Variants in CDH15 observed in about 807,000 individuals in gnomAD.
The protein encoded by CDH15 is cadherin 15.
CDH15 carries 73 observed loss-of-function variants against 69.4 expected under a neutral mutation model. The observed-to-expected ratio is 1.05, with a 90% CI of 0.87 to 1.28. The LOEUF (loss-of-function observed/expected upper bound fraction) is 1.28. CDH15 is among the 50% of genes most tolerant of loss of function. CDH15 has a pLI of 0.00. For synonymous variants in CDH15, 624 were observed against 507.7 expected, an observed-to-expected ratio of 1.23 and a Z score of -3.08; for missense variants, 1,343 against 1,133.6, an observed-to-expected ratio of 1.18 and a Z score of -2.65.
chr16:89,177,390 A>G (rs1300606342), intron 1 of CDH15, among the ~76,000 whole-genome samples: 1 of 152,202 alleles, frequency 6.6e-6, no homozygotes, highest in Non-Finnish European at 1.5e-5. Context: ...AGGGCTCAGC[A>G]GCCCCATGTG....
At chr16:89,174,282 G>A (rs1010681025) in intron 1 of CDH15, among the ~76,000 whole-genome samples, 2 of 152,202 alleles carry the variant, frequency 1.3e-5, no homozygotes, top group Non-Finnish European at 2.9e-5. Flanking sequence ...GAACGGGGTG[G>A]CCCCAGATTC....
At position 89,179,525 on chromosome 16, in the gene CDH15, C is replaced by G. The variant is rs373204916; in HGVS notation, c.152C>G (p.Pro51Arg). 2 of 1,612,222 alleles carry G rather than the reference C, an allele frequency of 1.2e-6. No homozygotes were observed. The highest frequency in any genetic ancestry group is 2.2e-5 in the East Asian group (1 of 44,862). The change falls in exon 2 of 14, where the codon CCG becomes CGG. Residue 51 changes from proline to arginine, a missense_variant. Coordinates refer to ENST00000289746, the MANE Select transcript of CDH15 (RefSeq NM_004933.3). Reference sequence around the variant, plus strand: ...GTGCGGAGGGCCTGGGTCATCCCCCCGATCAGCGTATCCGAGAACCACAAG... The same window carrying G: ...GTGCGGAGGGCCTGGGTCATCCCCCGGATCAGCGTATCCGAGAACCACAAG... ...SRVRRAWVIP[P>R]ISVSENHKRL...
chr16:89,190,777 T>C (rs1453240715), intron 8 of CDH15, among the ~76,000 whole-genome samples: 1 of 152,082 alleles, frequency 6.6e-6, no homozygotes, highest in Non-Finnish European at 1.5e-5. Context: ...GGACTGGCCG[T>C]TCGCATCTCA....
chr16:89,189,463 C>G (rs2151603195), intron 7 of CDH15, among the ~76,000 whole-genome samples: 1 of 152,380 alleles, frequency 6.6e-6, no homozygotes, highest in South Asian at 2.1e-4. Flanking sequence ...CATCCTCTGA[C>G]CAGCTGGGAC....
rs1469134854 is a variant in CDH15, at chr16:89,192,267, C to T, written c.1678C>T (p.Leu560=). 2 of 1,530,886 alleles carry T rather than the reference C, an allele frequency of 1.3e-6. No homozygotes were observed. Among genetic ancestry groups the T allele is most frequent in the African/African-American group, 2.8e-5 (2 of 72,686 alleles). 94.8% of individuals were successfully genotyped at this position (1,530,886 alleles called of 1,614,324 possible). The change falls in exon 11 of 14, where the codon CTG becomes TTG. Residue 560 remains leucine (L), a synonymous_variant. Coordinates refer to ENST00000289746, the MANE Select transcript of CDH15 (RefSeq NM_004933.3). The part of the protein sequence containing the change: ...VPEGLHRLSL[L]LRDSGQPPQQ... ...CGAAGGCCTGCACCGCCTCAGCCTGCTGCTCCGGGACTCGGGGCAGCCGCC... is the reference window on the plus strand; with the variant it reads ...CGAAGGCCTGCACCGCCTCAGCCTGTTGCTCCGGGACTCGGGGCAGCCGCC...
chr16:89,174,531 C>T (rs1027242728), intron 1 of CDH15, among the ~76,000 whole-genome samples: 1 of 152,218 alleles, frequency 6.6e-6, no homozygotes, highest in Non-Finnish European at 1.5e-5. Context: ...GCAGCAAGCG[C>T]CCAGTGTGTG....
At chr16:89,183,212 C>G (rs1915415261) in intron 3 of CDH15, 1 of 239,426 alleles carries the variant, frequency 4.2e-6, no homozygotes, top group South Asian at 8.7e-5. Flanking sequence ...AAAAACATAA[C>G]TTCAGGAGGA....
rs1379710128 is a variant in CDH15, at chr16:89,180,156, C to G, written c.202-44C>G. 3 of 1,604,812 alleles carry G rather than the reference C, an allele frequency of 1.9e-6. No homozygotes were observed. In the Admixed American group the frequency reaches 5.0e-5, roughly 27 times the overall value. ...AGGGGCTGCAGAGAGGGCAGAGGCCCCCGCCCGGAGCAGCTCTCCCCAAAC... is the reference window on the plus strand; with the variant it reads ...AGGGGCTGCAGAGAGGGCAGAGGCCGCCGCCCGGAGCAGCTCTCCCCAAAC... On this transcript the variant is annotated intron_variant, in intron 2 of 13. Transcript: ENST00000289746.
At chr16:89,171,994 T>C in intron 1 of CDH15, 121 bp downstream of exon 1, 1 of 1,082,190 alleles carries the variant, frequency 9.2e-7, no homozygotes, top group Non-Finnish European at 1.3e-6. Flanking sequence ...TTTGGGGGCC[T>C]GTGAGCGGAG....
intron 2 of CDH15, 54 bp from the exon 3 acceptor site, chr16:89,180,146 G>C: frequency 6.3e-7 from 1 of 1,599,140 alleles, no homozygotes; most frequent in Non-Finnish European, 8.5e-7. Flanking sequence ...CTGCAGAGAG[G>C]GCAGAGGCCC....
At chr16:89,188,744 GCA>G (rs1915557849) in intron 7 of CDH15, among the ~76,000 whole-genome samples, 2 of 88,762 alleles carry the variant, frequency 2.3e-5, no homozygotes, top group African/African-American at 4.5e-5. Flanking sequence ...ACAGATGCCG[GCA>G]CACACAGATG....
At chr16:89,191,031 C>T (rs1281617425) in intron 8 of CDH15, among the ~76,000 whole-genome samples, 1 of 133,156 alleles carries the variant, frequency 7.5e-6, no homozygotes, top group Non-Finnish European at 1.5e-5. Flanking sequence ...ATGTGTGGTA[C>T]ATGCGTGTGG....
chr16:89,175,388 G>A (rs902475205), intron 1 of CDH15, among the ~76,000 whole-genome samples: 4 of 152,262 alleles, frequency 2.6e-5, no homozygotes, highest in African/African-American at 9.6e-5. Context: ...TGGCTCTGTG[G>A]CTGGATTTCC....
chr16:89,195,243 C>T lies in CDH15; in HGVS notation c.*88C>T. ...CAGCCTGAGGTCACCGGGCCCGACC[C>T]CCCTGGGCCTGGGGCAGCCTCCTTC... On this transcript the variant is annotated 3_prime_UTR_variant, in exon 14 of 14. Coordinates refer to ENST00000289746, the MANE Select transcript of CDH15 (RefSeq NM_004933.3). 1 of 1,364,478 alleles carries T rather than the reference C, an allele frequency of 7.3e-7. No individual in the cohort carries two copies. The highest frequency in any genetic ancestry group is 1.5e-5 in the South Asian group (1 of 66,952). 84.5% of individuals were successfully genotyped at this position (1,364,478 alleles called of 1,614,324 possible).
intron 1 of CDH15, among the ~76,000 whole-genome samples, chr16:89,175,739 C>A (rs567635802): frequency 4.9e-4 from 74 of 152,338 alleles, no homozygotes; most frequent in Non-Finnish European, 9.7e-4. Context: ...AGGCCAGGGC[C>A]GCCATCTGTC....
intron 4 of CDH15, among the ~76,000 whole-genome samples, chr16:89,184,931 A>G (rs1013486025): frequency 7.9e-5 from 12 of 152,246 alleles, no homozygotes; most frequent in African/African-American, 2.9e-4. Flanking sequence ...CTTCGACCAC[A>G]TAGGTGGCCT....
At chr16:89,188,347 C>G in intron 7 of CDH15, 62 bp downstream of exon 7, 1 of 1,375,382 alleles carries the variant, frequency 7.3e-7, no homozygotes, top group Non-Finnish European at 1.0e-6. Context: ...CACACAGATG[C>G]CCACACACAG....
At chr16:89,179,178 C>CT (rs2151598810) in intron 1 of CDH15, among the ~76,000 whole-genome samples, 1 of 152,338 alleles carries the variant, frequency 6.6e-6, no homozygotes, top group Non-Finnish European at 1.5e-5. Context: ...AGGGCCAGTA[C>CT]TTGGGGTGTG....
In CDH15 at chr16:89,183,649, G is replaced by T; in HGVS notation, c.459G>T (p.Leu153=). 6.2e-7 allele frequency: 1 copy of T among 1,613,152 alleles called. No homozygotes were observed. Among genetic ancestry groups the T allele is most frequent in the Non-Finnish European group, 8.5e-7 (1 of 1,179,654 alleles). Residue 153 remains leucine (L), a synonymous_variant, in exon 4 of 14, where the codon CTG becomes CTT. Transcript: ENST00000289746. ...AGAATGACAACCGGCCAGCCTTCCT[G>T]CAGGAGGCGTTCACTGGCCGCGTGC... ...VDQNDNRPAF[L]QEAFTGRVLE...
Sources: gnomAD v4.1 joint callset for allele counts (sites outside exome capture counted in the v4.1 genomes callset) on GRCh38, gnomAD v4.1.1 for gene constraint, MANE v1.5 for transcripts, NCBI Gene and HGNC (gene_info 2026-07-23, HGNC 2026-07-21) for gene names.